The following TXNDC9 variants were observed in gnomAD, a reference collection of about 807,000 sequenced individuals.
TXNDC9 encodes thioredoxin domain-containing protein 9.
Under a neutral mutation model 23.0 loss-of-function variants are expected in TXNDC9, and 7 were observed. The observed-to-expected ratio is 0.30, with a 90% CI of 0.17 to 0.57. The LOEUF is 0.57. Among genes scored for constraint, TXNDC9 ranks in the 20% least tolerant of loss-of-function variants. The probability of loss-of-function intolerance (pLI) is 0.90; values close to 1 mark genes in which losing one functional copy is unlikely to be tolerated. For missense variants in TXNDC9, 198 were observed against 252.6 expected (o/e 0.78, Z 1.47); for synonymous variants, 72 against 90.6 (o/e 0.79, Z 1.17).
chr2:99,324,149 C>T (rs1013653174), intron 3 of TXNDC9, among the ~76,000 whole-genome samples: 3 of 152,084 alleles, frequency 2.0e-5, no homozygotes, highest in South Asian at 2.1e-4. Flanking sequence ...CCCAGCCTGC[C>T]GTCAACTTTT....
At chr2:99,318,295 C>A (rs913928866), downstream of TXNDC9, among the ~76,000 whole-genome samples, 2 of 152,162 alleles carry the variant, frequency 1.3e-5, no homozygotes, top group African/African-American at 4.8e-5. Flanking sequence ...TTTGGTGGCA[C>A]CTTTACACTT....
At chr2:99,334,503 A>C (rs893688343) in intron 1 of TXNDC9, among the ~76,000 whole-genome samples, 4 of 152,256 alleles carry the variant, frequency 2.6e-5, no homozygotes, top group Admixed American at 2.0e-4. Flanking sequence ...TATGCCATAC[A>C]GCCTATTACT....
At chr2:99,309,121 C>G in the TXNDC9 span, among the ~76,000 whole-genome samples, 1 of 151,714 alleles carries the variant, frequency 6.6e-6, no homozygotes, top group Non-Finnish European at 1.5e-5. Flanking sequence ...CTGGTGGTTC[C>G]CAGCACTTTG....
At position 99,319,658 on chromosome 2, in the gene TXNDC9, C is replaced by A. The variant is rs747585618; in HGVS notation, c.*24G>T. Reference sequence around the variant, plus strand: ...TAAATCTGAAGCAGAAAAAAAAAGACAATTTACAAAGAATTATTGAGCTCT... The same window carrying A: ...TAAATCTGAAGCAGAAAAAAAAAGAAAATTTACAAAGAATTATTGAGCTCT... On this transcript the variant is annotated 3_prime_UTR_variant, in exon 5 of 5. Transcript: ENST00000264255. 5 of 1,500,488 alleles carry A rather than the reference C, an allele frequency of 3.3e-6. No individual in the cohort carries two copies. Among genetic ancestry groups the A allele is most frequent in the African/African-American group, 1.4e-5 (1 of 70,544 alleles). The allele number at this position is 1,500,488 out of a possible 1,614,324, so 92.9% of individuals were successfully genotyped here.
chr2:99,311,215 T>C, the TXNDC9 span, among the ~76,000 whole-genome samples: 11 of 152,182 alleles, frequency 7.2e-5, no homozygotes, highest in Admixed American at 1.3e-4. Flanking sequence ...GTTTTCCAAC[T>C]GGTCTTCTGA....
At chr2:99,315,733 T>C (rs2094187730), downstream of TXNDC9, among the ~76,000 whole-genome samples, 1 of 152,210 alleles carries the variant, frequency 6.6e-6, no homozygotes, top group Admixed American at 6.5e-5. Flanking sequence ...CCAAAACCAT[T>C]TGTTGAAGAG....
At chr2:99,331,884 C>A (rs1302417486) in intron 2 of TXNDC9, among the ~76,000 whole-genome samples, 1 of 152,226 alleles carries the variant, frequency 6.6e-6, no homozygotes, top group East Asian at 1.9e-4. Flanking sequence ...TGTGCGCCAC[C>A]ACACCTGGCT....
intron 2 of TXNDC9, among the ~76,000 whole-genome samples, chr2:99,332,107 T>TAG (rs1172481263): frequency 2.0e-5 from 3 of 152,218 alleles, no homozygotes; most frequent in Non-Finnish European, 2.9e-5. Flanking sequence ...GAGTTGGTGA[T>TAG]AAAGTATTTC....
At chr2:99,331,822 C>T (rs1353851883) in intron 2 of TXNDC9, among the ~76,000 whole-genome samples, 30 of 152,138 alleles carry the variant, frequency 2.0e-4, no homozygotes, top group Admixed American at 1.7e-3. Flanking sequence ...CTCCACCTCC[C>T]GGGTTCAAGA....
chr2:99,313,798 G>A, the TXNDC9 span, among the ~76,000 whole-genome samples: 2 of 152,204 alleles, frequency 1.3e-5, no homozygotes, highest in South Asian at 4.1e-4. Flanking sequence ...TAAAGAGGGT[G>A]TCCTTTTGTC....
the TXNDC9 span, among the ~76,000 whole-genome samples, chr2:99,308,113 ATCTC>A: frequency 6.6e-6 from 1 of 152,198 alleles, no homozygotes; most frequent in African/African-American, 2.4e-5. Flanking sequence ...TCATGGGGAA[ATCTC>A]CAGCATAGGA....
chr2:99,319,340 G>A lies in TXNDC9; in HGVS notation c.*342C>T, dbSNP rs921562760. 1.7e-5 allele frequency: 3 copies of A among 171,524 alleles called. No individual in the cohort carries two copies. Among genetic ancestry groups the A allele is most frequent in the Admixed American group, 6.3e-5 (1 of 15,792 alleles). 10.6% of individuals were successfully genotyped at this position (171,524 alleles called of 1,614,324 possible). A position where few individuals can be genotyped will look rare whatever the true frequency, so the allele number is the denominator to read the frequency against. ...CTTGACCTCTTGTATAAATAATGCC[G>A]ATTAAGAATTAGTCCTGGAATAGTT... is the stretch of plus-strand genomic sequence containing the variant. On this transcript the variant is annotated 3_prime_UTR_variant, in exon 5 of 5. Transcript: ENST00000264255.
intron 4 of TXNDC9, 166 bp downstream of exon 4, chr2:99,321,789 C>T (rs1056917717): frequency 2.7e-6 from 2 of 752,196 alleles, no homozygotes; most frequent in Non-Finnish European, 4.1e-6. Flanking sequence ...TAAAATCACG[C>T]TAATATTACA....
downstream of TXNDC9, among the ~76,000 whole-genome samples, chr2:99,315,085 T>TAA (rs2094186014): frequency 8.5e-6 from 1 of 117,820 alleles, no homozygotes; most frequent in Non-Finnish European, 1.8e-5. Context: ...TTTTTTGAGA[T>TAA]AGAGTCTCAC....
chr2:99,308,834 C>G, the TXNDC9 span, among the ~76,000 whole-genome samples: 1 of 151,956 alleles, frequency 6.6e-6, no homozygotes, highest in Non-Finnish European at 1.5e-5. Flanking sequence ...GCCTCAGCCT[C>G]CCAAGTAGCT....
chr2:99,306,678 C>T, the TXNDC9 span: 1 of 397,770 alleles, frequency 2.5e-6, no homozygotes, highest in Admixed American at 2.8e-5. Flanking sequence ...AAAATAGCAT[C>T]ATCCAGCCGA....
chr2:99,332,892 G>T, intron 2 of TXNDC9, 130 bp downstream of exon 2: 1 of 767,442 alleles, frequency 1.3e-6, no homozygotes, highest in Non-Finnish European at 2.1e-6. Context: ...ATTTTTAACA[G>T]TAATAGGTAT....
intron 4 of TXNDC9, 103 bp from the exon 5 acceptor site, chr2:99,319,902 T>G (rs2094197502): frequency 2.7e-6 from 2 of 737,088 alleles, no homozygotes; most frequent in Non-Finnish European, 4.3e-6. Context: ...TAGAATAAAA[T>G]TTCTTTAAAA....
At chr2:99,336,067 C>A (rs1402179723) in intron 1 of TXNDC9, among the ~76,000 whole-genome samples, 172 bp downstream of exon 1, 1 of 152,264 alleles carries the variant, frequency 6.6e-6, no homozygotes, top group Non-Finnish European at 1.5e-5. Flanking sequence ...AAAGCACAGT[C>A]CCGGTGGCCC....
Sources: allele counts gnomAD v4.1 joint callset (sites outside exome capture counted in the v4.1 genomes callset), GRCh38; gene constraint gnomAD v4.1.1; transcripts MANE v1.5; gene names NCBI Gene and HGNC (gene_info 2026-07-23, HGNC 2026-07-21).